MYO6: variants seen among roughly 807,000 people sequenced by gnomAD.
MYO6 encodes the protein unconventional myosin-VI.
Under a neutral mutation model 178.7 loss-of-function variants are expected in MYO6, and 74 were observed. The observed-to-expected ratio is 0.41, with a 90% confidence interval of 0.34 to 0.50. The LOEUF (loss-of-function observed/expected upper bound fraction) is 0.50, where lower values mean the gene tolerates loss of function less well. Ranked by LOEUF, MYO6 falls within the 20% of genes least tolerant of loss-of-function variation. The pLI, the probability that MYO6 is intolerant of heterozygous loss-of-function variation, is 0.09. For synonymous variants in MYO6, 477 were observed against 504.6 expected (o/e 0.95, Z 0.73); for missense variants, 1,330 against 1,547.4 (o/e 0.86, Z 2.36).
chr6:75,770,977 A>C (rs778592489), intron 1 of MYO6, among the ~76,000 whole-genome samples: 4 of 151,778 alleles, frequency 2.6e-5, no homozygotes, highest in Middle Eastern at 3.2e-3. Flanking sequence ...TGTGTAAGCT[A>C]TAAGATAACA....
chr6:75,850,990 T>C (rs2038624), intron 11 of MYO6, among the ~76,000 whole-genome samples: 111,965 of 151,962 alleles, frequency 0.74, 43,781 homozygotes, highest in Middle Eastern at 0.87. Flanking sequence ...GTTTTGAAAA[T>C]GTAATGAATG....
intron 11 of MYO6, among the ~76,000 whole-genome samples, chr6:75,852,610 T>C (rs923315332): frequency 1.3e-5 from 2 of 152,236 alleles, no homozygotes; most frequent in African/African-American, 2.4e-5. Context: ...ATGTGGTCTT[T>C]TGTGATTGGC....
chr6:75,887,950 G>A (rs1348728512), intron 25 of MYO6, among the ~76,000 whole-genome samples: 2 of 151,608 alleles, frequency 1.3e-5, no homozygotes, highest in Admixed American at 6.6e-5. Flanking sequence ...CTGCACTCCA[G>A]CCTGGGTGAC....
At chr6:75,879,138 GGCCTTT>G (rs1777806459) in intron 20 of MYO6, among the ~76,000 whole-genome samples, 1 of 152,100 alleles carries the variant, frequency 6.6e-6, no homozygotes, top group Admixed American at 6.5e-5. Flanking sequence ...ATTCACCTCA[GGCCTTT>G]GAAAGTGGTT....
In MYO6 at chr6:75,914,188, A is replaced by G. The variant is rs148882684; in HGVS notation, c.3565A>G (p.Lys1189Glu). ...ADQYKDPQSK[K>E]KGWWYAHFDG... ...CCAGTACAAAGACCCTCAGAGTAAG[A>G]AAAAAGGCTGGTGGTATGCCCATTT... is the stretch of plus-strand genomic sequence containing the variant. Residue 1189 changes from lysine (K) to glutamate (E), a missense_variant, in exon 34 of 35, where the codon AAA becomes GAA. This residue lies in a region of MYO6 where 601 missense variants were observed against 626.1 expected (regional missense o/e 0.96). Coordinates refer to ENST00000369977, the MANE Select transcript of MYO6 (RefSeq NM_004999.4). The G allele has an allele frequency of 5.6e-6, 9 of 1,614,180 alleles. No homozygotes were observed. The highest frequency in any genetic ancestry group is 7.6e-6 in the Non-Finnish European group (9 of 1,180,030).
chr6:75,880,245 T>A, intron 22 of MYO6, 125 bp downstream of exon 22: 1 of 755,692 alleles, frequency 1.3e-6, no homozygotes, highest in Admixed American at 2.8e-5. Context: ...ACAACATGAA[T>A]TGCTATTTTC....
intron 15 of MYO6, among the ~76,000 whole-genome samples, chr6:75,862,097 A>T (rs1382251752): frequency 2.0e-5 from 3 of 152,220 alleles, no homozygotes. Context: ...ACTGTATTCA[A>T]GCAGTTTACA....
intron 20 of MYO6, among the ~76,000 whole-genome samples, chr6:75,877,846 G>A (rs1420367690): frequency 6.6e-6 from 1 of 152,196 alleles, no homozygotes; most frequent in African/African-American, 2.4e-5. Flanking sequence ...GAAAGCAGTT[G>A]TAGGCTTGGT....
chr6:75,841,942 T>C lies in MYO6; in HGVS notation c.816+564T>C, dbSNP rs115844638. The stretch of plus-strand genomic sequence containing the variant: ...GGATAGATGTTAAACCCTACGTCAA[T>C]TTAAACTCAATTAGAAATTGATAAT... On this transcript the variant is annotated intron_variant, in intron 9 of 34. Coordinates refer to ENST00000369977, the MANE Select transcript of MYO6 (RefSeq NM_004999.4). Among the ~76,000 whole-genome samples the C allele has an allele frequency of 3.6e-3, 542 of 152,294 alleles. 3 individuals are homozygous for C. Among genetic ancestry groups the C allele is most frequent in the African/African-American group, 0.012 (519 of 41,552 alleles).
intron 20 of MYO6, among the ~76,000 whole-genome samples, chr6:75,877,300 T>C (rs1777642844): frequency 6.7e-6 from 1 of 148,704 alleles, no homozygotes; most frequent in African/African-American, 2.5e-5. Context: ...AGAGTCTCAC[T>C]CTGTCGCCCA....
At chr6:75,817,702 T>G (rs543786009) in intron 2 of MYO6, 38 bp downstream of exon 2, 6 of 1,567,388 alleles carry the variant, frequency 3.8e-6, no homozygotes, top group Middle Eastern at 1.7e-4. Flanking sequence ...ATGATTTCTT[T>G]CAAAAATAGG....
At position 75,887,000 on chromosome 6, in the gene MYO6, T is replaced by A; in HGVS notation, c.2658+6T>A. 1 of 1,610,432 alleles carries A rather than the reference T, an allele frequency of 6.2e-7. No homozygotes were observed. The highest frequency in any genetic ancestry group is 8.5e-7 in the Non-Finnish European group (1 of 1,176,872). ...CTTTGATGGCCAAAATTAAGGTATG[T>A]AATTTCAACCCGAATGACTTTGACT... On this transcript the variant is annotated splice_donor_region_variant and intron_variant, in intron 25 of 34. Transcript: ENST00000369977.
intron 18 of MYO6, among the ~76,000 whole-genome samples, chr6:75,870,091 G>A (rs975897493): frequency 2.4e-4 from 37 of 151,776 alleles, no homozygotes; most frequent in African/African-American, 8.5e-4. Flanking sequence ...TCTAGCCTGG[G>A]CGACAGAGCA....
intron 22 of MYO6, among the ~76,000 whole-genome samples, chr6:75,880,849 A>G (rs1328959255): frequency 1.3e-5 from 2 of 152,212 alleles, no homozygotes; most frequent in Non-Finnish European, 2.9e-5. Flanking sequence ...TCATTATGGA[A>G]TTTTGTGGTA....
chr6:75,817,731 T>C, intron 2 of MYO6, 67 bp downstream of exon 2: 1 of 1,355,406 alleles, frequency 7.4e-7, no homozygotes. Flanking sequence ...TTCACAAGAG[T>C]AAGGTCTGTC....
chr6:75,809,455 A>G (rs72654773), intron 1 of MYO6, among the ~76,000 whole-genome samples: 5,647 of 152,316 alleles, frequency 0.037, 230 homozygotes, highest in East Asian at 0.15. Context: ...AGGTTTATTC[A>G]GAGCCAATAT....
At chr6:75,859,438 A>G (rs1382229755) in intron 14 of MYO6, among the ~76,000 whole-genome samples, 1 of 143,502 alleles carries the variant, frequency 7.0e-6, no homozygotes, top group Non-Finnish European at 1.5e-5. Context: ...TAGCTGGGAC[A>G]ACAGGCGTGG....
chr6:75,910,028 C>G (rs1156759888), intron 32 of MYO6, among the ~76,000 whole-genome samples: 21 of 152,108 alleles, frequency 1.4e-4, no homozygotes. Flanking sequence ...GAATACAGGA[C>G]TATGCAAGGG....
intron 27 of MYO6, among the ~76,000 whole-genome samples, chr6:75,891,602 AGCCT>A (rs983057201): frequency 4.4e-4 from 67 of 152,180 alleles, no homozygotes; most frequent in African/African-American, 1.4e-3. Context: ...ACTGCACTCC[AGCCT>A]GGGCAACAGA....
Sources: gnomAD v4.1 joint callset for allele counts (sites outside exome capture counted in the v4.1 genomes callset) on GRCh38, gnomAD v4.1.1 for gene constraint, gnomAD v4.1.1 regional missense constraint, MANE v1.5 for transcripts, NCBI Gene and HGNC (gene_info 2026-07-23, HGNC 2026-07-21) for gene names.